Variants in SH3BP4 observed in about 807,000 individuals in gnomAD.
The protein encoded by SH3BP4 is SH3 domain-binding protein 4.
A neutral mutation model predicts 65.5 loss-of-function variants in SH3BP4; 33 were observed. That is an observed-to-expected ratio of 0.50 (90% CI 0.38 to 0.67). The LOEUF (loss-of-function observed/expected upper bound fraction) is 0.67. Among genes scored for constraint, SH3BP4 ranks in the 30% least tolerant of loss-of-function variants. SH3BP4 has a pLI of 0.00. For synonymous variants in SH3BP4, 552 were observed against 545.5 expected (o/e 1.01, Z -0.17); for missense variants, 1,134 against 1,261.4 (o/e 0.90, Z 1.53).
intron 2 of SH3BP4, among the ~76,000 whole-genome samples, chr2:235,028,060 G>A (rs1024199235): frequency 2.0e-5 from 3 of 152,214 alleles, no homozygotes; most frequent in Admixed American, 1.3e-4. Flanking sequence ...CTGTTCAGAC[G>A]CTGCCCTCTT....
intron 1 of SH3BP4, among the ~76,000 whole-genome samples, chr2:234,985,956 A>G (rs1409571752): frequency 6.7e-6 from 1 of 148,624 alleles, no homozygotes; most frequent in Non-Finnish European, 1.5e-5. Flanking sequence ...CTTGATATAC[A>G]TCTATGAGCG....
At chr2:234,986,896 C>G (rs941647598) in intron 1 of SH3BP4, among the ~76,000 whole-genome samples, 2 of 151,996 alleles carry the variant, frequency 1.3e-5, no homozygotes, top group African/African-American at 4.8e-5. Context: ...CCTCAGCCCC[C>G]CAAGTAGCTG....
chr2:235,049,150 G>A (rs867041604), intron 4 of SH3BP4, among the ~76,000 whole-genome samples: 2 of 152,246 alleles, frequency 1.3e-5, no homozygotes, highest in South Asian at 4.1e-4. Context: ...TGGAAGTGCC[G>A]ACCTCTCCTT....
chr2:234,966,891 G>A (rs541953620), intron 1 of SH3BP4, among the ~76,000 whole-genome samples: 7 of 152,332 alleles, frequency 4.6e-5, no homozygotes, highest in African/African-American at 1.7e-4. Context: ...ATTCTTGATA[G>A]TAGAAATATT....
chr2:234,979,516 G>A (rs1363731377), intron 1 of SH3BP4: 1 of 152,220 alleles, frequency 6.6e-6, no homozygotes, highest in East Asian at 1.9e-4. Flanking sequence ...ACACCTCCTG[G>A]TGTTCACATC....
intron 1 of SH3BP4, among the ~76,000 whole-genome samples, chr2:234,983,812 G>T (rs780692786): frequency 6.6e-6 from 1 of 152,210 alleles, no homozygotes; most frequent in Admixed American, 6.5e-5. Flanking sequence ...AGGCAGCCAC[G>T]GGATGCAGGA....
chr2:234,968,660 A>C (rs1357944238), intron 1 of SH3BP4, among the ~76,000 whole-genome samples: 2 of 152,084 alleles, frequency 1.3e-5, no homozygotes, highest in Non-Finnish European at 2.9e-5. Flanking sequence ...TTGGACTGTC[A>C]GGTCTCAAGA....
chr2:235,040,770 G>A, intron 3 of SH3BP4, 118 bp from the exon 4 acceptor site: 2 of 846,952 alleles, frequency 2.4e-6, no homozygotes. Flanking sequence ...TTCTGTTGGT[G>A]ACTTGCCTGG....
rs1694991016 is a variant in SH3BP4 at position 235,026,047 on chromosome 2, T to G, written c.-132-8824T>G. On this transcript the variant is annotated intron_variant, in intron 2 of 5. Coordinates refer to ENST00000392011, the MANE Select transcript of SH3BP4 (RefSeq NM_014521.3). The surrounding 1 kb of genome is among the most constrained non-coding windows in gnomAD (Gnocchi z 4.6). The stretch of plus-strand genomic sequence containing the variant: ...GAAGAGTCTGAAGTAATGGTTGCTT[T>G]GAATGCAAGGAGATTCTGGGATCTG... Among the ~76,000 whole-genome samples the G allele has an allele frequency of 6.6e-6, 1 of 152,148 alleles. No homozygotes were observed. The highest frequency in any genetic ancestry group is 1.5e-5 in the Non-Finnish European group (1 of 68,036).
intron 1 of SH3BP4, among the ~76,000 whole-genome samples, chr2:234,975,892 A>G (rs1271202760): frequency 2.0e-5 from 3 of 152,164 alleles, no homozygotes; most frequent in Non-Finnish European, 2.9e-5. Flanking sequence ...AATAAAAAAT[A>G]AATAAAAGTA....
rs1696107326 is a variant in SH3BP4, at chr2:235,052,890, C to T, written c.2667+140C>T. 1 of 826,274 alleles carries T rather than the reference C, an allele frequency of 1.2e-6. No individual in the cohort carries two copies. The allele number at this position is 826,274 out of a possible 1,614,324, so 51.2% of individuals were successfully genotyped here. A position where few individuals can be genotyped will look rare whatever the true frequency, so the allele number is the denominator to read the frequency against. ...AGGTGGAAATGTGCACGCATGTGCC[C>T]AGCACTGGGTGTGCCTCACTGAGTG... On this transcript the variant is annotated intron_variant, in intron 5 of 5. Coordinates refer to ENST00000392011, the MANE Select transcript of SH3BP4 (RefSeq NM_014521.3). This position sits in a 1 kb window ranked among gnomAD's most constrained non-coding sequence, Gnocchi z 5.0.
At chr2:235,007,943 A>G (rs1215601806) in intron 2 of SH3BP4, among the ~76,000 whole-genome samples, 1 of 152,166 alleles carries the variant, frequency 6.6e-6, no homozygotes, top group African/African-American at 2.4e-5. Context: ...CAGTCAGGGG[A>G]GGAGACCCTC....
chr2:235,041,381 A>T lies in SH3BP4; in HGVS notation c.612A>T (p.Glu204Asp). Residue 204 changes from glutamate to aspartate, a missense_variant, in exon 4 of 6, where the codon GAA becomes GAT. By Grantham distance (45) the Glu-to-Asp change is conservative. Transcript: ENST00000392011. This position sits in a 1 kb window ranked among gnomAD's most constrained non-coding sequence, Gnocchi z 6.0. ...ACGCAGGTACATCCTCCTTCACCGAATCCAGCTCAGCCACCACGAATAGCA... is the reference window on the plus strand; with the variant it reads ...ACGCAGGTACATCCTCCTTCACCGATTCCAGCTCAGCCACCACGAATAGCA... The part of the protein sequence containing the change: ...LFDAGTSSFT[E>D]SSSATTNSTG... 6.2e-7 allele frequency: 1 copy of T among 1,614,182 alleles called. No individual in the cohort carries two copies. Among genetic ancestry groups the T allele is most frequent in the Non-Finnish European group, 8.5e-7 (1 of 1,180,036 alleles).
At chr2:235,038,693 C>G (rs1009961681) in intron 3 of SH3BP4, among the ~76,000 whole-genome samples, 1 of 151,886 alleles carries the variant, frequency 6.6e-6, no homozygotes, top group Non-Finnish European at 1.5e-5. Context: ...TGCAGATTCC[C>G]TGTGTCCTTG....
At chr2:234,998,834 G>C (rs532907038) in intron 2 of SH3BP4, among the ~76,000 whole-genome samples, 3 of 152,178 alleles carry the variant, frequency 2.0e-5, no homozygotes, top group African/African-American at 7.2e-5. Context: ...ACATCCTTGG[G>C]ACAGAGAAAC....
At position 235,055,187 on chromosome 2, in the gene SH3BP4, A is replaced by G. The variant is rs1696187123; in HGVS notation, c.*1371A>G. The G allele has an allele frequency of 6.6e-6, 1 of 152,226 alleles. No individual in the cohort carries two copies. The highest frequency in any genetic ancestry group is 1.5e-5 in the Non-Finnish European group (1 of 68,054). The allele number at this position is 152,226 out of a possible 1,614,324, so 9.4% of individuals were successfully genotyped here. A position where few individuals can be genotyped will look rare whatever the true frequency, so the allele number is the denominator to read the frequency against. ...CAGTAGAGTGAGGTGATCCTTAGCA[A>G]CGTGCCAGGACACTTCCTGTGTGCC... On this transcript the variant is annotated 3_prime_UTR_variant, in exon 6 of 6. Transcript: ENST00000392011.
intron 2 of SH3BP4, among the ~76,000 whole-genome samples, chr2:235,013,296 C>T (rs113439590): frequency 3.9e-4 from 60 of 152,230 alleles, no homozygotes; most frequent in African/African-American, 1.3e-3. Context: ...AGGTCCAGCC[C>T]GTGTTCCCCA....
At chr2:234,995,257 G>A (rs1693875886) in intron 1 of SH3BP4, 46 bp from the exon 2 acceptor site, 1 of 152,336 alleles carries the variant, frequency 6.6e-6, no homozygotes, top group Admixed American at 6.5e-5. Context: ...TGAGTTCTGC[G>A]CTGGACAGGA....
At chr2:235,006,275 T>G (rs1443555548) in intron 2 of SH3BP4, among the ~76,000 whole-genome samples, 1 of 152,214 alleles carries the variant, frequency 6.6e-6, no homozygotes, top group African/African-American at 2.4e-5. Context: ...CCCTTTTCCT[T>G]TGGGCTGAGC....
Sources: allele counts gnomAD v4.1 joint callset (sites outside exome capture counted in the v4.1 genomes callset), GRCh38; gene constraint gnomAD v4.1.1; non-coding constraint Gnocchi (gnomAD v3.1); transcripts MANE v1.5; gene names NCBI Gene and HGNC (gene_info 2026-07-23, HGNC 2026-07-21).